Variants in SHANK2 observed in about 807,000 individuals in gnomAD.
The protein encoded by SHANK2 is SH3 and multiple ankyrin repeat domains protein 2.
SHANK2 carries 43 observed loss-of-function variants against 133.7 expected under a neutral mutation model. The ratio of observed to expected loss-of-function variants is 0.32; its 90% CI spans 0.25 to 0.41. The LOEUF is 0.41. Ranked by LOEUF, SHANK2 falls within the 10% of genes least tolerant of loss-of-function variation. The probability of loss-of-function intolerance (pLI) is 1.00; values close to 1 mark genes in which losing one functional copy is unlikely to be tolerated. For missense variants in SHANK2, 1,994 were observed against 2,235.8 expected (o/e 0.89, Z 2.18); for synonymous variants, 1,017 against 952.8 (o/e 1.07, Z -1.24).
chr11:71,073,157 TTTTTTTTC>T (rs1590884719), intron 9 of SHANK2, among the ~76,000 whole-genome samples: 445 of 34,356 alleles, frequency 0.013, 74 homozygotes, highest in South Asian at 0.024. Context: ...CTTTTTTTTC[TTTTTTTTC>T]TTTTTTTTTT....
chr11:70,878,381 A>G lies in SHANK2; in HGVS notation c.1174+18120T>C, dbSNP rs192603190. On this transcript the variant is annotated intron_variant, in intron 11 of 25. Transcript: ENST00000601538. ...ACTTCCCCTCCACATAGAAGGGAGA[A>G]AATTCGGAACAAACATACAGGGCAT... is the stretch of plus-strand genomic sequence containing the variant. Among the ~76,000 whole-genome samples, 52 of 152,338 alleles carry G rather than the reference A, an allele frequency of 3.4e-4. 1 individual carries two copies. In the East Asian group the frequency reaches 5.4e-3, roughly 16 times the overall value.
intron 3 of SHANK2, among the ~76,000 whole-genome samples, chr11:71,129,823 G>T (rs1290579226): frequency 6.6e-6 from 1 of 152,306 alleles, no homozygotes; most frequent in South Asian, 2.1e-4. Flanking sequence ...TGCCACTTAC[G>T]CTGAGTTATG....
chr11:70,591,080 G>A (rs112014548), intron 17 of SHANK2, among the ~76,000 whole-genome samples: 1 of 152,358 alleles, frequency 6.6e-6, no homozygotes, highest in South Asian at 2.1e-4. Flanking sequence ...GGTGGCTCAC[G>A]TTTGTCATCC....
chr11:70,953,247 C>T (rs531803238), intron 10 of SHANK2, among the ~76,000 whole-genome samples: 61 of 152,118 alleles, frequency 4.0e-4, no homozygotes, highest in African/African-American at 1.3e-3. Flanking sequence ...CCCTCCCCTC[C>T]GAAGTGAGTG....
chr11:71,146,311 T>C (rs560589664), intron 3 of SHANK2, among the ~76,000 whole-genome samples: 2 of 152,218 alleles, frequency 1.3e-5, no homozygotes, highest in African/African-American at 4.8e-5. Context: ...GCCACACCCC[T>C]TCCTCTGCAC....
At chr11:70,509,698 A>G (rs1236440231) in intron 17 of SHANK2, among the ~76,000 whole-genome samples, 6 of 152,198 alleles carry the variant, frequency 3.9e-5, no homozygotes, top group Admixed American at 1.3e-4. Context: ...CGCCAGTGTG[A>G]TGGGGTTGGG....
chr11:71,158,926 C>T (rs527272420), intron 2 of SHANK2, among the ~76,000 whole-genome samples: 1 of 152,312 alleles, frequency 6.6e-6, no homozygotes, highest in East Asian at 1.9e-4. Flanking sequence ...GACACACAAA[C>T]GCATTCCAGA....
intron 17 of SHANK2, among the ~76,000 whole-genome samples, chr11:70,636,335 G>A (rs1016799404): frequency 4.6e-5 from 7 of 152,232 alleles, no homozygotes; most frequent in Admixed American, 3.3e-4. Context: ...GTTAGCATGT[G>A]TGAATGCGTG....
intron 11 of SHANK2, among the ~76,000 whole-genome samples, chr11:70,827,527 T>C (rs1262201339): frequency 6.6e-6 from 1 of 152,028 alleles, no homozygotes; most frequent in African/African-American, 2.4e-5. Flanking sequence ...GTGAGTTATT[T>C]CTACACCAGG....
At chr11:70,786,078 C>T (rs1947647741) in intron 14 of SHANK2, among the ~76,000 whole-genome samples, 1 of 152,146 alleles carries the variant, frequency 6.6e-6, no homozygotes, top group Admixed American at 6.5e-5. Context: ...CGGGACCGTG[C>T]CAGAATTTCC....
intron 11 of SHANK2, among the ~76,000 whole-genome samples, chr11:70,857,504 T>C (rs926034580): frequency 6.6e-6 from 1 of 152,078 alleles, no homozygotes; most frequent in Non-Finnish European, 1.5e-5. Flanking sequence ...GATATCCTAT[T>C]TCCTTTTCCT....
At chr11:70,664,633 C>G (rs1944645284) in intron 15 of SHANK2, among the ~76,000 whole-genome samples, 1 of 152,238 alleles carries the variant, frequency 6.6e-6, no homozygotes, top group South Asian at 2.1e-4. Context: ...GCAGCTCCTC[C>G]TGCAGTGCCC....
intron 17 of SHANK2, among the ~76,000 whole-genome samples, chr11:70,585,208 T>G (rs2060233238): frequency 2.0e-5 from 3 of 152,200 alleles, no homozygotes. Flanking sequence ...TGATCACAGG[T>G]GGTCCATCCA....
intron 2 of SHANK2, among the ~76,000 whole-genome samples, chr11:71,199,476 T>G (rs1481132236): frequency 6.6e-6 from 1 of 152,212 alleles, no homozygotes; most frequent in Admixed American, 6.5e-5. Context: ...AAATGAAGGT[T>G]GCAGTCACGC....
At chr11:70,875,585 G>T (rs1344839549) in intron 11 of SHANK2, among the ~76,000 whole-genome samples, 1 of 151,890 alleles carries the variant, frequency 6.6e-6, no homozygotes, top group African/African-American at 2.4e-5. Flanking sequence ...TGGGAGCTGG[G>T]CATGGTGACT....
intron 7 of SHANK2, among the ~76,000 whole-genome samples, chr11:71,093,263 C>A (rs1951550659): frequency 6.6e-6 from 1 of 152,122 alleles, no homozygotes; most frequent in Non-Finnish European, 1.5e-5. Context: ...AGAAAAGGTG[C>A]ATGGTTTAAC....
At chr11:71,218,569 A>T (rs1383037476) in intron 2 of SHANK2, among the ~76,000 whole-genome samples, 1 of 152,016 alleles carries the variant, frequency 6.6e-6, no homozygotes, top group Non-Finnish European at 1.5e-5. Flanking sequence ...GGGCTGTTCT[A>T]TTTTTAAATT....
At chr11:71,082,830 C>T (rs1014528708) in intron 8 of SHANK2, among the ~76,000 whole-genome samples, 1 of 152,170 alleles carries the variant, frequency 6.6e-6, no homozygotes, top group Non-Finnish European at 1.5e-5. Context: ...CAGCCAGTAA[C>T]AACATTCAGA....
At chr11:70,790,838 C>A (rs61885465) in intron 14 of SHANK2, among the ~76,000 whole-genome samples, 1 of 152,130 alleles carries the variant, frequency 6.6e-6, no homozygotes, top group African/African-American at 2.4e-5. Context: ...CAGGGTGTCA[C>A]GGGCGATGAT....
Sources: allele counts gnomAD v4.1 joint callset (sites outside exome capture counted in the v4.1 genomes callset), GRCh38; gene constraint gnomAD v4.1.1; transcripts MANE v1.5; gene names NCBI Gene and HGNC (gene_info 2026-07-23, HGNC 2026-07-21).